The following XYLB variants were observed in gnomAD, a reference collection of about 807,000 sequenced individuals.
XYLB encodes xylulokinase.
In XYLB, 62 loss-of-function variants were observed where a neutral mutation model predicts 78.7. The ratio of observed to expected loss-of-function variants is 0.79; its 90% CI spans 0.64 to 0.97. The LOEUF (loss-of-function observed/expected upper bound fraction) is 0.97. Among genes scored for constraint, XYLB ranks in the 50% least tolerant of loss-of-function variants. The probability of loss-of-function intolerance (pLI) is 0.00; values close to 1 mark genes in which losing one functional copy is unlikely to be tolerated. For missense variants in XYLB, 687 were observed against 676.8 expected, an observed-to-expected ratio of 1.02 and a Z score of -0.17; for synonymous variants, 245 against 247.4, an observed-to-expected ratio of 0.99 and a Z score of 0.09.
intron 17 of XYLB, among the ~76,000 whole-genome samples, chr3:38,399,217 C>G (rs951333888): frequency 6.6e-6 from 1 of 151,974 alleles, no homozygotes. Flanking sequence ...TTCCCACCCC[C>G]ACCTCAGCCT....
At chr3:38,432,547 C>T in the XYLB span, among the ~76,000 whole-genome samples, 17 of 151,936 alleles carry the variant, frequency 1.1e-4, no homozygotes, top group Admixed American at 7.9e-4. Context: ...TGCCTGGTGA[C>T]AGAGCTAGAC....
the XYLB span, among the ~76,000 whole-genome samples, chr3:38,448,170 G>T: frequency 3.9e-5 from 6 of 151,918 alleles, no homozygotes; most frequent in African/African-American, 1.2e-4. Flanking sequence ...TCACTTATAT[G>T]TGGAAACTAA....
intron 15 of XYLB, among the ~76,000 whole-genome samples, chr3:38,390,335 T>A (rs1646213357): frequency 6.6e-6 from 1 of 152,128 alleles, no homozygotes; most frequent in Non-Finnish European, 1.5e-5. Context: ...TACCTCAGCC[T>A]CCTGAGTAGC....
At chr3:38,387,188 A>G (rs1201054061) in intron 15 of XYLB, among the ~76,000 whole-genome samples, 2 of 152,140 alleles carry the variant, frequency 1.3e-5, no homozygotes, top group African/African-American at 4.8e-5. Flanking sequence ...GTCTTCCATC[A>G]ATTTTGGAAA....
Position 38,376,203 on chromosome 3 carries a change from CCA to C in XYLB, c.1094_1095del (p.Thr365ArgfsTer13), listed in dbSNP as rs1706847212. On this transcript the variant is annotated frameshift_variant, in exon 13 of 19. Transcript: ENST00000207870. LOFTEE classifies it high-confidence loss of function. Reference sequence around the variant, plus strand: ...AGCGATTTCTCTAAGGCACTGCAGTCCACAGAGATGGGCAACGGTGGAAACCT... The same window carrying C: ...AGCGATTTCTCTAAGGCACTGCAGTCCAGAGATGGGCAACGGTGGAAACCT... 2.5e-6 allele frequency: 4 copies of C among 1,613,816 alleles called. No individual in the cohort carries two copies. The East Asian group carries it at 8.9e-5, about 36-fold the overall frequency.
At chr3:38,422,257 T>A (rs1189751418), downstream of XYLB, among the ~76,000 whole-genome samples, 5 of 152,106 alleles carry the variant, frequency 3.3e-5, no homozygotes, top group Admixed American at 3.3e-4. Flanking sequence ...GTGGGGAAAT[T>A]CAAATTGTTA....
In XYLB at chr3:38,375,253, TC is replaced by T; in HGVS notation, c.1000del (p.Leu334CysfsTer9). ...GTTGACTCCCAGCACTACATGGCACTCCTGTGGTGAGCTTGGGTGTTGGTTG... is the reference window on the plus strand; with the variant it reads ...GTTGACTCCCAGCACTACATGGCACTCTGTGGTGAGCTTGGGTGTTGGTTG... ...NPVDSQHYMA[L>X]LCFKNGSLMR... On this transcript the variant is annotated frameshift_variant, in exon 12 of 19. Coordinates refer to ENST00000207870, the MANE Select transcript of XYLB (RefSeq NM_005108.4). LOFTEE classifies it high-confidence loss of function. The T allele has an allele frequency of 6.2e-7, 1 of 1,614,002 alleles. No homozygotes were observed. The highest frequency in any genetic ancestry group is 8.5e-7 in the Non-Finnish European group (1 of 1,179,876).
the XYLB span, chr3:38,451,287 C>T: frequency 6.6e-6 from 1 of 152,116 alleles, no homozygotes; most frequent in Admixed American, 6.5e-5. Flanking sequence ...TGTGAGAGGC[C>T]TGAAGGTCCT....
At chr3:38,374,725 A>C (rs1706758454) in intron 11 of XYLB, among the ~76,000 whole-genome samples, 1 of 152,104 alleles carries the variant, frequency 6.6e-6, no homozygotes, top group Non-Finnish European at 1.5e-5. Context: ...TCTTTGCTAG[A>C]TGGGCAGGAC....
At chr3:38,401,094 G>T in intron 18 of XYLB, 109 bp downstream of exon 18, 1 of 914,570 alleles carries the variant, frequency 1.1e-6, no homozygotes, top group East Asian at 2.5e-5. Flanking sequence ...CTCAACTAAA[G>T]GAGAAATTCT....
At chr3:38,394,134 T>A (rs1707777850) in intron 15 of XYLB, among the ~76,000 whole-genome samples, 1 of 152,244 alleles carries the variant, frequency 6.6e-6, no homozygotes. Flanking sequence ...ATATTTATAA[T>A]GTTAATTCAT....
At chr3:38,358,356 TG>T (rs373112787) in intron 2 of XYLB, among the ~76,000 whole-genome samples, 1,356 of 99,682 alleles carry the variant, frequency 0.014, 35 homozygotes, top group African/African-American at 0.047. Context: ...TGTGTGTGTG[TG>T]TTTGAGACAG....
chr3:38,371,742 G>A lies in XYLB; in HGVS notation c.766-913G>A, dbSNP rs149119756. Among the ~76,000 whole-genome samples the A allele has an allele frequency of 1.0e-3, 157 of 152,266 alleles. 1 individual carries two copies. The East Asian group carries it at 0.027, about 26-fold the overall frequency. On this transcript the variant is annotated intron_variant, in intron 9 of 18. Transcript: ENST00000207870. ...CTGAAAACAGCCTCTGCCACCATGA[G>A]GCAGAATGTCAAAGCCAAACCATCA...
chr3:38,358,857 A>C (rs971081418), intron 2 of XYLB, among the ~76,000 whole-genome samples: 1 of 152,236 alleles, frequency 6.6e-6, no homozygotes, highest in African/African-American at 2.4e-5. Flanking sequence ...AAAATGTATA[A>C]TTAAAGGTAC....
At chr3:38,362,855 G>T in intron 3 of XYLB, 82 bp from the exon 4 acceptor site, 1 of 1,205,656 alleles carries the variant, frequency 8.3e-7, no homozygotes. Flanking sequence ...GTAATGGCAG[G>T]CACTTGCGTT....
At chr3:38,385,705 C>T (rs937756064) in intron 15 of XYLB, among the ~76,000 whole-genome samples, 15 of 152,218 alleles carry the variant, frequency 9.9e-5, no homozygotes, top group Admixed American at 9.2e-4. Context: ...ATTTCCATAG[C>T]TTCTAGTATA....
chr3:38,379,500 A>G (rs1275761347), intron 15 of XYLB, among the ~76,000 whole-genome samples, 158 bp downstream of exon 15: 1 of 152,164 alleles, frequency 6.6e-6, no homozygotes, highest in Non-Finnish European at 1.5e-5. Context: ...GGGGTGAGAA[A>G]GTGTCAATTG....
intron 17 of XYLB, among the ~76,000 whole-genome samples, chr3:38,398,407 G>T (rs1707978326): frequency 6.6e-6 from 1 of 151,744 alleles, no homozygotes; most frequent in Non-Finnish European, 1.5e-5. Context: ...GGCAGAGGTT[G>T]CAGTGAGCCG....
At chr3:38,439,540 A>T in the XYLB span, among the ~76,000 whole-genome samples, 2 of 152,196 alleles carry the variant, frequency 1.3e-5, no homozygotes, top group Admixed American at 6.5e-5. Context: ...AGGCAGGCAG[A>T]TCACAAGGTC....
Sources: allele counts gnomAD v4.1 joint callset (sites outside exome capture counted in the v4.1 genomes callset), GRCh38; gene constraint gnomAD v4.1.1; transcripts MANE v1.5; gene names NCBI Gene and HGNC (gene_info 2026-07-23, HGNC 2026-07-21).